The following RAB11FIP4 variants were observed in gnomAD, a reference collection of about 807,000 sequenced individuals.
The protein encoded by RAB11FIP4 is RAB11 family interacting protein 4.
RAB11FIP4 carries 23 observed loss-of-function variants against 74.3 expected under a neutral mutation model. That is an observed-to-expected ratio of 0.31 (90% CI 0.22 to 0.44). RAB11FIP4 has a LOEUF of 0.44. Among genes scored for constraint, RAB11FIP4 ranks in the 20% least tolerant of loss-of-function variants. The pLI, the probability that RAB11FIP4 is intolerant of heterozygous loss-of-function variation, is 1.00. For missense variants in RAB11FIP4, 630 were observed against 863.9 expected, an observed-to-expected ratio of 0.73 and a Z score of 3.39; for synonymous variants, 360 against 359.9, an observed-to-expected ratio of 1.00 and a Z score of 0.00.
Position 31,528,657 on chromosome 17 carries a change from A to G in RAB11FIP4, c.1532A>G (p.Gln511Arg). 1 of 1,613,546 alleles carries G rather than the reference A, an allele frequency of 6.2e-7. No individual in the cohort carries two copies. The highest frequency in any genetic ancestry group is 8.5e-7 in the Non-Finnish European group (1 of 1,179,858). ...EDLRKELEHL[Q>R]MYKLDCERPG... ...TTGCGGAAGGAGCTGGAGCACCTGC[A>G]GATGTACAAGCTGGACTGCGAGCGG... The change falls in exon 13 of 15, where the codon CAG becomes CGG. Residue 511 changes from glutamine to arginine, a missense_variant. Gln to Arg is a conservative substitution (Grantham distance 43). Coordinates refer to ENST00000621161, the MANE Select transcript of RAB11FIP4 (RefSeq NM_032932.6).
At chr17:31,423,142 A>G (rs6505243) in intron 1 of RAB11FIP4, among the ~76,000 whole-genome samples, 102,612 of 151,930 alleles carry the variant, frequency 0.68, 36,337 homozygotes, top group Admixed American at 0.79. Flanking sequence ...GATGGTCTCT[A>G]TCTCCTGACC....
intron 1 of RAB11FIP4, among the ~76,000 whole-genome samples, chr17:31,410,043 C>T (rs982729927): frequency 6.6e-6 from 1 of 152,142 alleles, no homozygotes; most frequent in African/African-American, 2.4e-5. Context: ...TTCCTGGTGC[C>T]TCACCTGCGA....
At chr17:31,400,976 A>G (rs574415261) in intron 1 of RAB11FIP4, among the ~76,000 whole-genome samples, 1 of 152,154 alleles carries the variant, frequency 6.6e-6, no homozygotes, top group Non-Finnish European at 1.5e-5. Context: ...CCCCCTTTAA[A>G]AGTGAGGCTT....
intron 1 of RAB11FIP4, among the ~76,000 whole-genome samples, chr17:31,407,041 T>A (rs946969227): frequency 8.6e-5 from 3 of 34,990 alleles, no homozygotes; most frequent in Non-Finnish European, 1.5e-4. Flanking sequence ...TTTCACTTGA[T>A]TTTTTTTTTT....
chr17:31,510,826 A>G (rs185299793), intron 3 of RAB11FIP4, among the ~76,000 whole-genome samples: 9 of 152,094 alleles, frequency 5.9e-5, no homozygotes, highest in African/African-American at 2.2e-4. Context: ...GCCAGGAGGT[A>G]CCCTGGATTG....
chr17:31,463,062 G>A (rs2071648427), intron 3 of RAB11FIP4, among the ~76,000 whole-genome samples: 1 of 152,180 alleles, frequency 6.6e-6, no homozygotes, highest in African/African-American at 2.4e-5. Flanking sequence ...TGCTGGCTCA[G>A]GGCTCCAGCA....
Position 31,463,523 on chromosome 17 carries a change from C to T in RAB11FIP4, c.336+29401C>T, listed in dbSNP as rs920866004. On this transcript the variant is annotated intron_variant, in intron 3 of 14. Coordinates refer to ENST00000621161, the MANE Select transcript of RAB11FIP4 (RefSeq NM_032932.6). ...TCCACACAGCAAGAGCACCCAGAAC[C>T]TCCCTCCACCAGGCCAGAGGCAGCC... Among the ~76,000 whole-genome samples the T allele has an allele frequency of 6.6e-5, 10 of 152,238 alleles. No individual in the cohort carries two copies. The East Asian group carries it at 1.9e-3, about 29-fold the overall frequency.
At chr17:31,521,404 G>A in intron 5 of RAB11FIP4, 44 bp downstream of exon 5, 1 of 1,542,652 alleles carries the variant, frequency 6.5e-7, no homozygotes, top group Non-Finnish European at 8.8e-7. Flanking sequence ...AAAAGTTGCA[G>A]AAGCAATTTA....
chr17:31,435,489 G>A (rs995958710), intron 3 of RAB11FIP4, among the ~76,000 whole-genome samples: 1 of 152,190 alleles, frequency 6.6e-6, no homozygotes, highest in African/African-American at 2.4e-5. Context: ...CAACCAGCGA[G>A]GTCCCTCCTG....
At chr17:31,414,112 A>C (rs1450383331) in intron 1 of RAB11FIP4, among the ~76,000 whole-genome samples, 15 of 152,324 alleles carry the variant, frequency 9.8e-5, no homozygotes, top group Admixed American at 8.5e-4. Context: ...GATGTTGCTC[A>C]GGGAGGTTGA....
At chr17:31,520,422 G>C (rs536788713) in intron 4 of RAB11FIP4, among the ~76,000 whole-genome samples, 17 of 151,970 alleles carry the variant, frequency 1.1e-4, no homozygotes, top group Non-Finnish European at 2.2e-4. Context: ...TCTCCTTAAA[G>C]TGAAAGCAAG....
intron 1 of RAB11FIP4, among the ~76,000 whole-genome samples, chr17:31,413,546 G>A (rs143227985): frequency 0.019 from 2,831 of 149,164 alleles, 78 homozygotes; most frequent in African/African-American, 0.066. Flanking sequence ...CACCTCTACG[G>A]CCTGGCCTTG....
intron 10 of RAB11FIP4, chr17:31,527,613 T>G: frequency 2.3e-6 from 1 of 431,290 alleles, no homozygotes; most frequent in Non-Finnish European, 3.9e-6. Flanking sequence ...AGAAAGAAAA[T>G]AAGAATGATA....
At chr17:31,509,900 TC>T (rs1240287064) in intron 3 of RAB11FIP4, among the ~76,000 whole-genome samples, 3 of 151,958 alleles carry the variant, frequency 2.0e-5, no homozygotes, top group African/African-American at 7.3e-5. Context: ...ACCCCCTTTA[TC>T]CCACCCTTGC....
rs567380197 is a variant in RAB11FIP4, at chr17:31,536,930, G to A, written c.*5198G>A. 15 of 398,798 alleles carry A rather than the reference G, an allele frequency of 3.8e-5. No homozygotes were observed. Among genetic ancestry groups the A allele is most frequent in the African/African-American group, 1.0e-4 (5 of 48,602 alleles). 24.7% of individuals were successfully genotyped at this position (398,798 alleles called of 1,614,324 possible). A position where few individuals can be genotyped will look rare whatever the true frequency, so the allele number is the denominator to read the frequency against. ...GTTTCCCATATGACCTCCCTGCCCC[G>A]ACCTCGTAGGTTGCTCCTTTCCCCA... On this transcript the variant is annotated 3_prime_UTR_variant, in exon 15 of 15. Coordinates refer to ENST00000621161, the MANE Select transcript of RAB11FIP4 (RefSeq NM_032932.6).
intron 3 of RAB11FIP4, among the ~76,000 whole-genome samples, chr17:31,453,355 C>CAAAAAAAAAAAAAAAAA: frequency 1.4e-5 from 1 of 71,814 alleles, no homozygotes; most frequent in Non-Finnish European, 2.5e-5. Context: ...GACCCTACCT[C>CAAAAAAAAAAAAAAAAA]AAAAAAAAAA....
intron 1 of RAB11FIP4, among the ~76,000 whole-genome samples, chr17:31,392,845 T>G (rs2070888651): frequency 6.6e-6 from 1 of 152,190 alleles, no homozygotes; most frequent in African/African-American, 2.4e-5. Flanking sequence ...GACACCCACC[T>G]GGCTGAAATG....
At chr17:31,417,022 C>T (rs867316912) in intron 1 of RAB11FIP4, among the ~76,000 whole-genome samples, 3 of 151,918 alleles carry the variant, frequency 2.0e-5, no homozygotes, top group African/African-American at 7.3e-5. Flanking sequence ...CGCCCCCTCC[C>T]CATATTCCTT....
chr17:31,471,165 C>T (rs957027514), intron 3 of RAB11FIP4, among the ~76,000 whole-genome samples: 1 of 151,042 alleles, frequency 6.6e-6, no homozygotes, highest in African/African-American at 2.4e-5. Flanking sequence ...TGACCTCAAA[C>T]GATCCTTCCA....
Sources: gnomAD v4.1 joint callset for allele counts (sites outside exome capture counted in the v4.1 genomes callset) on GRCh38, gnomAD v4.1.1 for gene constraint, MANE v1.5 for transcripts, NCBI Gene and HGNC (gene_info 2026-07-23, HGNC 2026-07-21) for gene names.